Variants in RGMA observed in about 807,000 individuals in gnomAD.
The protein encoded by RGMA is repulsive guidance molecule BMP co-receptor a.
Under a neutral mutation model 23.2 loss-of-function variants are expected in RGMA, and 10 were observed. The ratio of observed to expected loss-of-function variants is 0.43; its 90% CI spans 0.27 to 0.73. The LOEUF (loss-of-function observed/expected upper bound fraction) is 0.73, where lower values mean the gene tolerates loss of function less well. RGMA is among the 30% of genes least tolerant of loss of function. The pLI is 0.20. For synonymous variants in RGMA, 308 were observed against 279.3 expected, an observed-to-expected ratio of 1.10 and a Z score of -1.03; for missense variants, 547 against 630.5, an observed-to-expected ratio of 0.87 and a Z score of 1.42.
Position 93,062,185 on chromosome 15 carries a change from T to C in RGMA, c.131-9678A>G, listed in dbSNP as rs1401846255. Among the ~76,000 whole-genome samples, 3 of 152,320 alleles carry C rather than the reference T, an allele frequency of 2.0e-5. No homozygotes were observed. In the East Asian group the frequency reaches 5.8e-4, roughly 29 times the overall value. ...CCAACTCTGTGGCCTGCGTGGGAACTGCCTGAGTTCAATTACTTGCTCCAA... is the reference window on the plus strand; with the variant it reads ...CCAACTCTGTGGCCTGCGTGGGAACCGCCTGAGTTCAATTACTTGCTCCAA... On this transcript the variant is annotated intron_variant, in intron 2 of 3. Coordinates refer to ENST00000329082, the MANE Select transcript of RGMA (RefSeq NM_020211.3).
At position 93,045,039 on chromosome 15, in the gene RGMA, C is replaced by A. The variant is rs759625610; in HGVS notation, c.1312G>T (p.Ala438Ser). The A allele has an allele frequency of 1.3e-6, 2 of 1,594,492 alleles. No individual in the cohort carries two copies. The highest frequency in any genetic ancestry group is 1.1e-5 in the South Asian group (1 of 88,494). Reference sequence around the variant, plus strand: ...AGCAGGGCCAGGAGCGGGACGAGGGCGCCCAGGAGGGGCCGGGGGGCCAGG... The same window carrying A: ...AGCAGGGCCAGGAGCGGGACGAGGGAGCCCAGGAGGGGCCGGGGGGCCAGG... ...LPLAPRPLLG[A>S]LVPLLALLPV... Residue 438 changes from alanine to serine, a missense_variant, in exon 4 of 4, where the codon GCC becomes TCC. Ala to Ser is a moderately conservative substitution (Grantham distance 99). This residue lies in a region of RGMA where 205 missense variants were observed against 204.1 expected (regional missense o/e 1.00). Transcript: ENST00000329082. This position sits in a 1 kb window ranked among gnomAD's most constrained non-coding sequence, Gnocchi z 6.9.
At chr15:93,073,282 G>A in intron 1 of RGMA, 1 of 811,268 alleles carries the variant, frequency 1.2e-6, no homozygotes, top group Non-Finnish European at 1.6e-6. Flanking sequence ...TCGGGTTTCA[G>A]CGAGGCCGGC....
chr15:93,056,791 T>A (rs2055021861), intron 2 of RGMA, among the ~76,000 whole-genome samples: 1 of 152,220 alleles, frequency 6.6e-6, no homozygotes, highest in Non-Finnish European at 1.5e-5. Flanking sequence ...TTTCCTTAAC[T>A]GTCAAGTAGA....
In RGMA at chr15:93,073,128, C is replaced by T. The variant is rs879515629; in HGVS notation, c.15-97G>A. 265 of 1,292,090 alleles carry T rather than the reference C, an allele frequency of 2.1e-4. No individual in the cohort carries two copies. The African/African-American group carries it at 3.8e-3, about 19-fold the overall frequency. 80.0% of individuals were successfully genotyped at this position (1,292,090 alleles called of 1,614,324 possible). A position where few individuals can be genotyped will look rare whatever the true frequency, so the allele number is the denominator to read the frequency against. On this transcript the variant is annotated intron_variant, in intron 1 of 3. Coordinates refer to ENST00000329082, the MANE Select transcript of RGMA (RefSeq NM_020211.3). ...GCGGGAGCAGCGAGCCGGGAGGCTC[C>T]GTCCACCTCGGCCGCGGGCGCCCGG... is the stretch of plus-strand genomic sequence containing the variant.
In RGMA at chr15:93,048,101, G is replaced by A. The variant is rs7181313; in HGVS notation, c.646-2396C>T. The stretch of plus-strand genomic sequence containing the variant: ...GCTAAGAGGCCTGAGGCCTGGAAAG[G>A]GGTTCCAGAACCTTCTAGGTAATAC... On this transcript the variant is annotated intron_variant, in intron 3 of 3. Coordinates refer to ENST00000329082, the MANE Select transcript of RGMA (RefSeq NM_020211.3). Among the ~76,000 whole-genome samples the A allele has an allele frequency of 3.6e-3, 544 of 152,314 alleles. 4 individuals carry two copies. Among genetic ancestry groups the A allele is most frequent in the African/African-American group, 0.012 (508 of 41,578 alleles).
intron 1 of RGMA, among the ~76,000 whole-genome samples, chr15:93,080,129 CTAAAA>C (rs1300169080): frequency 1.3e-5 from 2 of 152,090 alleles, no homozygotes; most frequent in Non-Finnish European, 2.9e-5. Context: ...AAAAATTAAA[CTAAAA>C]TTTTTAATTA....
intron 1 of RGMA, among the ~76,000 whole-genome samples, chr15:93,073,402 G>A (rs1346732575): frequency 1.3e-5 from 2 of 151,980 alleles, no homozygotes; most frequent in East Asian, 3.9e-4. Context: ...CACGCTCCCC[G>A]ACCCTCGCGC....
At chr15:93,066,637 C>A in intron 2 of RGMA, 1 of 443,752 alleles carries the variant, frequency 2.3e-6, no homozygotes. Flanking sequence ...ACCGCCGCCG[C>A]CTCCACCTCG....
At chr15:93,073,458 T>G (rs929790094) in intron 1 of RGMA, 1 of 1,013,878 alleles carries the variant, frequency 9.9e-7, no homozygotes, top group African/African-American at 1.6e-5. Context: ...CCAGCACCCT[T>G]GGGAGGCCGC....
chr15:93,051,940 A>T, intron 3 of RGMA, 53 bp downstream of exon 3: 1 of 1,514,454 alleles, frequency 6.6e-7, no homozygotes, highest in Non-Finnish European at 8.9e-7. Flanking sequence ...GTGTCCACGC[A>T]GGGCAGAGAC....
Position 93,052,468 on chromosome 15 carries a change from A to G in RGMA, c.170T>C (p.Phe57Ser). Residue 57 changes from phenylalanine to serine, a missense_variant, in exon 3 of 4, where the codon TTC (phenylalanine) becomes TCC (serine). Coordinates refer to ENST00000329082, the MANE Select transcript of RGMA (RefSeq NM_020211.3). The stretch of plus-strand genomic sequence containing the variant: ...GTGGCTGCCCGACGTGGCGCTCCAG[A>G]ACTCAGAGTTGCACTTGAGGATCTT... The part of the protein sequence containing the change: ...PCKILKCNSE[F>S]WSATSGSHAP... The G allele has an allele frequency of 6.3e-7, 1 of 1,586,776 alleles. No individual in the cohort carries two copies. Among genetic ancestry groups the G allele is most frequent in the Non-Finnish European group, 8.5e-7 (1 of 1,170,742 alleles).
Position 93,044,242 on chromosome 15 carries a change from T to TTA in RGMA, c.*754_*755dup, listed in dbSNP as rs2054774683. ...CAGAAGTCAAGGATCTCTTCTCTGT[T>TTA]TAGACATTTAGAACCAAGCACTTCG... is the stretch of plus-strand genomic sequence containing the variant. On this transcript the variant is annotated 3_prime_UTR_variant, in exon 4 of 4. Transcript: ENST00000329082. 1.3e-5 allele frequency: 2 copies of TTA among 152,254 alleles called. No individual in the cohort carries two copies. The highest frequency in any genetic ancestry group is 2.9e-5 in the Non-Finnish European group (2 of 68,082). The allele number at this position is 152,254 out of a possible 1,614,324, so 9.4% of individuals were successfully genotyped here.
intron 2 of RGMA, among the ~76,000 whole-genome samples, chr15:93,057,699 G>A (rs1029522957): frequency 2.0e-5 from 3 of 152,176 alleles, no homozygotes; most frequent in Non-Finnish European, 2.9e-5. Flanking sequence ...GAAGCTGCCA[G>A]TATCACTGGA....
At chr15:93,074,132 A>C in intron 1 of RGMA, 1 of 686,114 alleles carries the variant, frequency 1.5e-6, no homozygotes, top group South Asian at 3.9e-5. Flanking sequence ...ATGAAACACA[A>C]ATAGTCCTGA....
At chr15:93,066,031 G>C in intron 2 of RGMA, 5 of 1,496,016 alleles carry the variant, frequency 3.3e-6, no homozygotes, top group Non-Finnish European at 4.6e-6. Flanking sequence ...TGTCCCCGCT[G>C]AAGGGATCTC....
At chr15:93,051,538 G>A (rs1466138817) in intron 3 of RGMA, among the ~76,000 whole-genome samples, 1 of 151,922 alleles carries the variant, frequency 6.6e-6, no homozygotes, top group African/African-American at 2.4e-5. Context: ...GTGGGTCCAT[G>A]GCTGTGTGTG....
At chr15:93,055,182 T>C (rs2141816508) in intron 2 of RGMA, among the ~76,000 whole-genome samples, 1 of 152,274 alleles carries the variant, frequency 6.6e-6, no homozygotes, top group South Asian at 2.1e-4. Flanking sequence ...ACTGGTCTCC[T>C]GTTAATGGAT....
At chr15:93,070,410 G>T (rs1567192260) in intron 2 of RGMA, among the ~76,000 whole-genome samples, 1 of 152,132 alleles carries the variant, frequency 6.6e-6, no homozygotes, top group Non-Finnish European at 1.5e-5. Flanking sequence ...GCACACAGGG[G>T]CCCCCAGTGT....
At chr15:93,078,422 G>T (rs1348794935) in intron 1 of RGMA, among the ~76,000 whole-genome samples, 2 of 152,200 alleles carry the variant, frequency 1.3e-5, no homozygotes, top group African/African-American at 4.8e-5. Flanking sequence ...CATGTCTTGA[G>T]GAACTGAGTT....
Sources: gnomAD v4.1 joint callset for allele counts (sites outside exome capture counted in the v4.1 genomes callset) on GRCh38, gnomAD v4.1.1 for gene constraint, gnomAD v4.1.1 regional missense constraint, Gnocchi (gnomAD v3.1) non-coding constraint, MANE v1.5 for transcripts, NCBI Gene and HGNC (gene_info 2026-07-23, HGNC 2026-07-21) for gene names.